SIVA1: variants seen among roughly 807,000 people sequenced by gnomAD.
SIVA1 encodes the protein apoptosis regulatory protein Siva.
In SIVA1, 10 loss-of-function variants were observed where a neutral mutation model predicts 19.7. The observed-to-expected ratio is 0.51, with a 90% CI of 0.31 to 0.86. SIVA1 has a LOEUF of 0.86. Among genes scored for constraint, SIVA1 ranks in the 40% least tolerant of loss-of-function variants. The pLI is 0.04. For synonymous variants in SIVA1, 130 were observed against 106.1 expected (o/e 1.23, Z -1.39); for missense variants, 241 against 245.2 (o/e 0.98, Z 0.11).
intron 1 of SIVA1, chr14:104,753,832 A>C: frequency 2.2e-6 from 1 of 449,812 alleles, no homozygotes; most frequent in South Asian, 1.6e-5. Context: ...GGAGCTCCCC[A>C]GCCTAGTTGG....
chr14:104,753,261 G>A lies in SIVA1; in HGVS notation c.60G>A (p.Val20=), dbSNP rs770272171. The A allele has an allele frequency of 1.9e-6, 3 of 1,600,962 alleles. No homozygotes were observed. Among genetic ancestry groups the A allele is most frequent in the Non-Finnish European group, 2.6e-6 (3 of 1,175,650 alleles). The change falls in exon 1 of 4, where the codon GTG becomes GTA. Residue 20 remains valine (V), a synonymous_variant. Coordinates refer to ENST00000329967, the MANE Select transcript of SIVA1 (RefSeq NM_006427.4). The stretch of plus-strand genomic sequence containing the variant: ...CCCCGCTACAGCTCAAGGTCCGCGT[G>A]AGCCAGAGGGAGTTGAGCCGCGGCG... ...DVAPLQLKVR[V]SQRELSRGVC...
chr14:104,756,177 A>G, intron 2 of SIVA1: 2 of 449,604 alleles, frequency 4.4e-6, no homozygotes, highest in Non-Finnish European at 8.2e-6. Context: ...CTGGTTAGAA[A>G]TGCAATCCCC....
chr14:104,755,747 C>T lies in SIVA1; in HGVS notation c.236C>T (p.Pro79Leu), dbSNP rs1165794834. ...ESPKPGPTGA[P>L]RAARGQMLIG... is the part of the protein sequence containing the mutation. ...CCAAAGCCTGGCCCTACAGGGGCCC[C>T]GAGGGCTGCACGTGGGCAGATGCTG... The change falls in exon 2 of 4, where the codon CCG (proline) becomes CTG (leucine). Residue 79 changes from proline to leucine, a missense_variant. Pro to Leu is a moderately conservative substitution (Grantham distance 98). Coordinates refer to ENST00000329967, the MANE Select transcript of SIVA1 (RefSeq NM_006427.4). 1.6e-5 allele frequency: 26 copies of T among 1,613,976 alleles called. No homozygotes were observed. Among genetic ancestry groups the T allele is most frequent in the Non-Finnish European group, 2.2e-5 (26 of 1,180,008 alleles).
intron 1 of SIVA1, among the ~76,000 whole-genome samples, chr14:104,754,349 T>C (rs867782615): frequency 6.6e-6 from 1 of 152,022 alleles, no homozygotes; most frequent in Non-Finnish European, 1.5e-5. Context: ...GTGTCTCCAG[T>C]GTGCTAGGGC....
At chr14:104,753,648 T>G in intron 1 of SIVA1, 1 of 445,230 alleles carries the variant, frequency 2.2e-6, no homozygotes, top group Non-Finnish European at 4.4e-6. Flanking sequence ...TTCTCAGGAC[T>G]GTCCCGTGCA....
chr14:104,756,557 A>T (rs772601821), intron 2 of SIVA1, 47 bp from the exon 3 acceptor site: 2 of 1,611,630 alleles, frequency 1.2e-6, no homozygotes, highest in Non-Finnish European at 1.7e-6. Flanking sequence ...AGTCCCGGAA[A>T]CTCCAGTCTC....
chr14:104,756,183 TC>T (rs747795536), intron 2 of SIVA1: 3 of 441,162 alleles, frequency 6.8e-6, no homozygotes, highest in Admixed American at 3.6e-5. Context: ...AGAAATGCAA[TC>T]CCCGACTCTA....
At position 104,755,667 on chromosome 14, in the gene SIVA1, C is replaced by A. The variant is rs765217432; in HGVS notation, c.156C>A (p.Ala52=). The stretch of plus-strand genomic sequence containing the variant: ...GACTCCTGTTCCTCGGGGCCCAGGC[C>A]TACCTGGACCACGTGTGGGATGAAG... ...TKRLLFLGAQ[A]YLDHVWDEGC... is the part of the protein sequence containing the mutation. The change falls in exon 2 of 4, where the codon GCC becomes GCA. Residue 52 remains alanine (A), a synonymous_variant. Coordinates refer to ENST00000329967, the MANE Select transcript of SIVA1 (RefSeq NM_006427.4). The A allele has an allele frequency of 3.1e-6, 5 of 1,613,834 alleles. No individual in the cohort carries two copies. Among genetic ancestry groups the A allele is most frequent in the African/African-American group, 1.3e-5 (1 of 75,046 alleles).
Position 104,759,640 on chromosome 14 carries a change from C to T in SIVA1, c.*155C>T. On this transcript the variant is annotated 3_prime_UTR_variant, in exon 4 of 4. Transcript: ENST00000329967. The surrounding 1 kb of genome is among the most constrained non-coding windows in gnomAD (Gnocchi z 4.2). The stretch of plus-strand genomic sequence containing the variant: ...TATCCTAATGACAGAATGAATAAAC[C>T]TCTTTATATTTGCACAAGAGGACTC... The T allele has an allele frequency of 1.7e-6, 1 of 575,476 alleles. No individual in the cohort carries two copies. Among genetic ancestry groups the T allele is most frequent in the South Asian group, 2.2e-5 (1 of 45,382 alleles). The allele number at this position is 575,476 out of a possible 1,614,324, so 35.6% of individuals were successfully genotyped here. A position where few individuals can be genotyped will look rare whatever the true frequency, so the allele number is the denominator to read the frequency against.
chr14:104,756,795 C>A, intron 3 of SIVA1, 35 bp downstream of exon 3: 1 of 1,575,698 alleles, frequency 6.3e-7, no homozygotes, highest in Non-Finnish European at 8.6e-7. Context: ...GCTGAGATCC[C>A]ATAGCCCCAG....
chr14:104,754,175 C>T (rs7156002), intron 1 of SIVA1, among the ~76,000 whole-genome samples: 9,184 of 152,112 alleles, frequency 0.06, 325 homozygotes, highest in South Asian at 0.1. Flanking sequence ...GTGATTAATA[C>T]CCTGGGGCAG....
intron 1 of SIVA1, chr14:104,753,652 C>T (rs1269910433): frequency 2.2e-6 from 1 of 448,480 alleles, no homozygotes; most frequent in Non-Finnish European, 4.4e-6. Flanking sequence ...CAGGACTGTC[C>T]CGTGCAGGAT....
intron 1 of SIVA1, among the ~76,000 whole-genome samples, chr14:104,754,234 A>C (rs1891811344): frequency 6.6e-6 from 1 of 152,146 alleles, no homozygotes; most frequent in African/African-American, 2.4e-5. Flanking sequence ...CAAAGTCTGC[A>C]CCTGTAGAGC....
intron 1 of SIVA1, among the ~76,000 whole-genome samples, chr14:104,754,997 A>G (rs749828168): frequency 6.6e-6 from 1 of 152,234 alleles, no homozygotes; most frequent in Non-Finnish European, 1.5e-5. Flanking sequence ...AAAGCTCCCC[A>G]GGTGACTGAA....
chr14:104,755,756 C>T lies in SIVA1; in HGVS notation c.245C>T (p.Ala82Val), dbSNP rs775371328. Reference protein sequence around the residue: ...KPGPTGAPRAARGQMLIGPDG... With the variant: ...KPGPTGAPRAVRGQMLIGPDG... ...GGCCCTACAGGGGCCCCGAGGGCTGCACGTGGGCAGATGCTGATTGGACCA... is the reference window on the plus strand; with the variant it reads ...GGCCCTACAGGGGCCCCGAGGGCTGTACGTGGGCAGATGCTGATTGGACCA... The change falls in exon 2 of 4, where the codon GCA becomes GTA. Residue 82 changes from alanine (A) to valine (V), a missense_variant. Transcript: ENST00000329967. The T allele has an allele frequency of 1.4e-5, 22 of 1,614,136 alleles. 1 individual carries two copies. In the South Asian group the frequency reaches 1.9e-4, roughly 14 times the overall value.
intron 2 of SIVA1, 54 bp from the exon 3 acceptor site, chr14:104,756,549 TC>T: frequency 6.2e-7 from 1 of 1,606,956 alleles, no homozygotes; most frequent in East Asian, 2.2e-5. Flanking sequence ...AGCCCGGCAG[TC>T]CCGGAAACTC....
At chr14:104,754,908 C>G (rs1381966053) in intron 1 of SIVA1, among the ~76,000 whole-genome samples, 5 of 152,332 alleles carry the variant, frequency 3.3e-5, no homozygotes, top group African/African-American at 1.2e-4. Context: ...TCTGGGATCT[C>G]TGCCTTTACT....
At chr14:104,753,406 G>A in intron 1 of SIVA1, 87 bp downstream of exon 1, 1 of 874,960 alleles carries the variant, frequency 1.1e-6, no homozygotes, top group Non-Finnish European at 1.7e-6. Context: ...GCCTGAGCGG[G>A]GGGCTGGAGG....
intron 1 of SIVA1, among the ~76,000 whole-genome samples, chr14:104,754,261 G>A (rs1033064977): frequency 6.6e-6 from 1 of 152,160 alleles, no homozygotes; most frequent in African/African-American, 2.4e-5. Context: ...AGGATGACCC[G>A]GGGTGTGTGA....
Sources: gnomAD v4.1 joint callset for allele counts (sites outside exome capture counted in the v4.1 genomes callset) on GRCh38, gnomAD v4.1.1 for gene constraint, Gnocchi (gnomAD v3.1) non-coding constraint, MANE v1.5 for transcripts, NCBI Gene and HGNC (gene_info 2026-07-23, HGNC 2026-07-21) for gene names.